Variants in NTM observed in about 807,000 individuals in gnomAD.
NTM encodes neurotrimin, also known as IgLON family member 2.
In NTM, 13 loss-of-function variants were observed where a neutral mutation model predicts 42.1. The ratio of observed to expected loss-of-function variants is 0.31; its 90% CI spans 0.20 to 0.49. NTM has a LOEUF of 0.49. Among genes scored for constraint, NTM ranks in the 20% least tolerant of loss-of-function variants. The pLI, the probability that NTM is intolerant of heterozygous loss-of-function variation, is 0.99. For missense variants in NTM, 373 were observed against 452.8 expected, an observed-to-expected ratio of 0.82 and a Z score of 1.60; for synonymous variants, 187 against 179.2, an observed-to-expected ratio of 1.04 and a Z score of -0.35.
intron 1 of NTM, among the ~76,000 whole-genome samples, chr11:131,585,774 T>C (rs1014767518): frequency 6.6e-6 from 1 of 152,174 alleles, no homozygotes; most frequent in African/African-American, 2.4e-5. Context: ...TTGTCCTATT[T>C]TTTGCTTCTC....
chr11:131,942,369 G>T (rs547594935), intron 2 of NTM, among the ~76,000 whole-genome samples: 2 of 152,268 alleles, frequency 1.3e-5, no homozygotes, highest in South Asian at 4.1e-4. Flanking sequence ...GATCCATATT[G>T]CAGTCCTTAC....
chr11:131,409,200 A>G (rs1311761921), intron 1 of NTM, among the ~76,000 whole-genome samples: 1 of 152,248 alleles, frequency 6.6e-6, no homozygotes, highest in Non-Finnish European at 1.5e-5. Flanking sequence ...AGCGAAATCT[A>G]GTTAAGACTG....
At position 131,613,420 on chromosome 11, in the gene NTM, C is replaced by CA. The variant is rs568130759; in HGVS notation, c.82+242534dup. Reference sequence around the variant, plus strand: ...GAGCACATTTTTCTTCCAGCTGGTGCAATGAGGAGGTTTCAGCCCCCATCC... The same window carrying CA: ...GAGCACATTTTTCTTCCAGCTGGTGCAAATGAGGAGGTTTCAGCCCCCATCC... On this transcript the variant is annotated intron_variant, in intron 1 of 8. Coordinates refer to ENST00000683400, the MANE Select transcript of NTM (RefSeq NM_001352005.2). 8.4e-4 allele frequency among the ~76,000 whole-genome samples: 128 copies of CA among 152,268 alleles called. 1 individual carries two copies. Among genetic ancestry groups the CA allele is most frequent in the Non-Finnish European group, 7.6e-4 (52 of 68,016 alleles).
At chr11:132,281,401 G>A (rs1312555006) in intron 4 of NTM, among the ~76,000 whole-genome samples, 3 of 152,208 alleles carry the variant, frequency 2.0e-5, no homozygotes, top group South Asian at 2.1e-4. Context: ...AGCTCAGTGT[G>A]CCTCCGAAAG....
At chr11:131,565,835 T>C (rs1592069730) in intron 1 of NTM, among the ~76,000 whole-genome samples, 1 of 152,154 alleles carries the variant, frequency 6.6e-6, no homozygotes, top group South Asian at 2.1e-4. Flanking sequence ...AGCACAACCA[T>C]GTAACTCAGT....
intron 2 of NTM, among the ~76,000 whole-genome samples, chr11:132,144,358 T>G (rs529479491): frequency 2.0e-5 from 3 of 152,242 alleles, no homozygotes; most frequent in Non-Finnish European, 2.9e-5. Context: ...ATGTGCACCG[T>G]AAAGCTTGAG....
chr11:131,924,672 G>A (rs1031299074), intron 2 of NTM, among the ~76,000 whole-genome samples: 2 of 152,154 alleles, frequency 1.3e-5, no homozygotes, highest in Non-Finnish European at 1.5e-5. Context: ...GAGCTCCATC[G>A]GCCAAATTCT....
intron 8 of NTM, among the ~76,000 whole-genome samples, chr11:132,331,665 G>A (rs192607066): frequency 6.6e-6 from 1 of 152,288 alleles, no homozygotes; most frequent in East Asian, 1.9e-4. Flanking sequence ...GACAGAGGAG[G>A]AAATACAAAT....
chr11:132,072,572 G>C (rs978098965), intron 2 of NTM, among the ~76,000 whole-genome samples: 1 of 152,212 alleles, frequency 6.6e-6, no homozygotes, highest in Non-Finnish European at 1.5e-5. Flanking sequence ...AAAATACTAA[G>C]TGGAGATGTG....
intron 1 of NTM, among the ~76,000 whole-genome samples, chr11:131,607,976 C>T (rs140832331): frequency 0.032 from 4,854 of 151,948 alleles, 248 homozygotes; most frequent in African/African-American, 0.11. Flanking sequence ...CATATGCATA[C>T]GTGTGCCATG....
intron 1 of NTM, among the ~76,000 whole-genome samples, chr11:131,624,679 T>C (rs377391224): frequency 6.6e-6 from 1 of 152,214 alleles, no homozygotes; most frequent in East Asian, 1.9e-4. Context: ...ATTTAACAAA[T>C]GATTGTTTTG....
chr11:131,806,979 G>C (rs1351445077), intron 1 of NTM, among the ~76,000 whole-genome samples: 1 of 152,180 alleles, frequency 6.6e-6, no homozygotes, highest in East Asian at 1.9e-4. Context: ...ACAGTGAATG[G>C]AGTCATGATG....
intron 3 of NTM, among the ~76,000 whole-genome samples, chr11:132,153,170 C>T (rs538101393): frequency 2.6e-5 from 4 of 152,184 alleles, no homozygotes; most frequent in African/African-American, 9.6e-5. Flanking sequence ...TGCTTCTGAG[C>T]GGCCTCAGAG....
At chr11:131,821,746 C>T (rs957330936) in intron 1 of NTM, among the ~76,000 whole-genome samples, 4 of 152,118 alleles carry the variant, frequency 2.6e-5, no homozygotes, top group African/African-American at 4.8e-5. Context: ...AGAACCATGC[C>T]CCCACTGACT....
chr11:131,432,682 T>A (rs2135920508), intron 1 of NTM, among the ~76,000 whole-genome samples: 1 of 152,152 alleles, frequency 6.6e-6, no homozygotes, highest in East Asian at 1.9e-4. Context: ...TTGACTTTAC[T>A]CTCCTCATCC....
At chr11:131,814,017 T>C (rs2092846630) in intron 1 of NTM, among the ~76,000 whole-genome samples, 2 of 152,120 alleles carry the variant, frequency 1.3e-5, no homozygotes, top group Admixed American at 6.5e-5. Context: ...TGATTAATAA[T>C]AATATTATTA....
chr11:131,876,051 C>A (rs550717567), intron 1 of NTM, among the ~76,000 whole-genome samples: 1 of 152,298 alleles, frequency 6.6e-6, no homozygotes, highest in South Asian at 2.1e-4. Context: ...ATTTCCGTGA[C>A]ATTTTCTTGT....
chr11:131,575,163 G>C (rs1471490771), intron 1 of NTM, among the ~76,000 whole-genome samples: 4 of 149,470 alleles, frequency 2.7e-5, no homozygotes, highest in Non-Finnish European at 5.9e-5. Flanking sequence ...ACCCTCCTCT[G>C]AAAGAGTCAC....
At chr11:132,036,583 G>A (rs2076536094) in intron 2 of NTM, among the ~76,000 whole-genome samples, 1 of 152,150 alleles carries the variant, frequency 6.6e-6, no homozygotes, top group South Asian at 2.1e-4. Flanking sequence ...ATGTCACCAA[G>A]CGAATGGTGT....
Sources: gnomAD v4.1 joint callset for allele counts (sites outside exome capture counted in the v4.1 genomes callset) on GRCh38, gnomAD v4.1.1 for gene constraint, MANE v1.5 for transcripts, NCBI Gene and HGNC (gene_info 2026-07-23, HGNC 2026-07-21) for gene names.